The following VWA2 variants were observed in gnomAD, a reference collection of about 807,000 sequenced individuals.
VWA2 encodes the protein von Willebrand factor A domain-containing protein 2.
VWA2 carries 73 observed loss-of-function variants against 70.4 expected under a neutral mutation model. The observed-to-expected ratio is 1.04, with a 90% confidence interval of 0.86 to 1.26. VWA2 has a LOEUF of 1.26. Among genes scored for constraint, VWA2 ranks in the 50% most tolerant of loss-of-function variants. The pLI, the probability that VWA2 is intolerant of heterozygous loss-of-function variation, is 0.00. For synonymous variants in VWA2, 407 were observed against 423.3 expected, an observed-to-expected ratio of 0.96 and a Z score of 0.47; for missense variants, 1,011 against 998.5, an observed-to-expected ratio of 1.01 and a Z score of -0.17.
chr10:114,246,266 C>T (rs867280889), intron 1 of VWA2: 25 of 701,318 alleles, frequency 3.6e-5, no homozygotes, highest in Middle Eastern at 4.0e-4. Context: ...TTCGGGAGGC[C>T]GAGGCGGTCG....
At chr10:114,260,805 A>G (rs1241619746) in intron 4 of VWA2, among the ~76,000 whole-genome samples, 2 of 152,154 alleles carry the variant, frequency 1.3e-5, no homozygotes, top group African/African-American at 4.8e-5. Context: ...TGTGGATTAA[A>G]TGAGATAGTG....
At position 114,294,364 on chromosome 10, in the gene VWA2, A is replaced by G. The variant is rs1404149597; in HGVS notation, c.*3127A>G. Among the ~76,000 whole-genome samples the G allele has an allele frequency of 3.9e-5, 6 of 152,184 alleles. No individual in the cohort carries two copies. The highest frequency in any genetic ancestry group is 1.4e-4 in the African/African-American group (6 of 41,448). On this transcript the variant is annotated 3_prime_UTR_variant, in exon 14 of 14. Coordinates refer to ENST00000392982, the MANE Select transcript of VWA2 (RefSeq NM_001272046.2). ...TTTTTATAATTTGAAAAATCTTGTC[A>G]GTATCTGTATTAAGGCCTCCATTTC...
At chr10:114,261,981 G>A (rs539677491) in intron 5 of VWA2, among the ~76,000 whole-genome samples, 2 of 152,236 alleles carry the variant, frequency 1.3e-5, no homozygotes, top group East Asian at 3.9e-4. Flanking sequence ...GCGAGAGCAG[G>A]AGCAAGAGAG....
intron 5 of VWA2, among the ~76,000 whole-genome samples, chr10:114,269,713 A>G (rs1447501228): frequency 1.3e-5 from 2 of 152,214 alleles, no homozygotes; most frequent in Non-Finnish European, 2.9e-5. Context: ...AGTATGGGGA[A>G]CAAGCACTTT....
intron 3 of VWA2, 34 bp from the exon 4 acceptor site, chr10:114,254,881 C>A (rs375568893): frequency 1.6e-5 from 25 of 1,601,288 alleles, no homozygotes; most frequent in Non-Finnish European, 2.1e-5. Context: ...CCGACTTGCT[C>A]CTGGTTGTCA....
intron 8 of VWA2, 114 bp from the exon 9 acceptor site, chr10:114,282,402 C>G (rs1275602974): frequency 1.2e-6 from 1 of 832,192 alleles, no homozygotes; most frequent in East Asian, 2.5e-5. Context: ...GGAAGTCTTT[C>G]TTACTTCTGC....
At chr10:114,289,560 C>A in intron 12 of VWA2, 71 bp downstream of exon 12, 1 of 1,552,686 alleles carries the variant, frequency 6.4e-7, no homozygotes. Context: ...TCACATACAT[C>A]ATGACGAGGA....
At chr10:114,265,788 G>A (rs369395590) in intron 5 of VWA2, among the ~76,000 whole-genome samples, 1 of 152,198 alleles carries the variant, frequency 6.6e-6, no homozygotes, top group East Asian at 1.9e-4. Context: ...TTCTGGGGCT[G>A]TGTATGATTA....
At chr10:114,288,493 A>G (rs988497460) in intron 11 of VWA2, among the ~76,000 whole-genome samples, 1 of 152,270 alleles carries the variant, frequency 6.6e-6, no homozygotes, top group African/African-American at 2.4e-5. Context: ...CATGGGTTAC[A>G]TAAGACAGGA....
At chr10:114,270,508 G>A (rs1025892121) in intron 5 of VWA2, among the ~76,000 whole-genome samples, 2 of 152,204 alleles carry the variant, frequency 1.3e-5, no homozygotes, top group African/African-American at 4.8e-5. Flanking sequence ...GGTAAGATTA[G>A]TACCTTTTAC....
At chr10:114,269,183 G>A (rs998347061) in intron 5 of VWA2, among the ~76,000 whole-genome samples, 7 of 152,212 alleles carry the variant, frequency 4.6e-5, no homozygotes, top group Non-Finnish European at 1.0e-4. Flanking sequence ...GGTAAGTACC[G>A]TCAGGCCTGT....
At chr10:114,269,379 G>C (rs1049899830) in intron 5 of VWA2, among the ~76,000 whole-genome samples, 3 of 152,260 alleles carry the variant, frequency 2.0e-5, no homozygotes, top group East Asian at 3.9e-4. Flanking sequence ...TCAGGAGTTT[G>C]AGACCAGCCT....
At chr10:114,274,332 G>A (rs2037774356) in intron 6 of VWA2, among the ~76,000 whole-genome samples, 1 of 152,170 alleles carries the variant, frequency 6.6e-6, no homozygotes, top group African/African-American at 2.4e-5. Flanking sequence ...TGCTGTGTAC[G>A]AAATAGACTG....
chr10:114,266,214 A>G (rs1009106735), intron 5 of VWA2, among the ~76,000 whole-genome samples: 1 of 151,928 alleles, frequency 6.6e-6, no homozygotes. Context: ...GGAGAATGGC[A>G]TGAACCCAGG....
At chr10:114,266,291 C>T (rs546520250) in intron 5 of VWA2, among the ~76,000 whole-genome samples, 2 of 151,360 alleles carry the variant, frequency 1.3e-5, no homozygotes, top group South Asian at 2.1e-4. Flanking sequence ...AGCAAGACTC[C>T]GTCTCAAAGA....
chr10:114,283,478 G>A (rs984327897), intron 9 of VWA2, among the ~76,000 whole-genome samples: 18 of 152,184 alleles, frequency 1.2e-4, no homozygotes, highest in African/African-American at 3.9e-4. Context: ...CCAGCACCAC[G>A]GCCTCTGAAG....
chr10:114,282,570 A>G lies in VWA2; in HGVS notation c.888A>G (p.Pro296=). Residue 296 remains proline, a splice_region_variant and synonymous_variant, in exon 9 of 14, where the codon CCA becomes CCG. Coordinates refer to ENST00000392982, the MANE Select transcript of VWA2 (RefSeq NM_001272046.2). Reference sequence around the variant, plus strand: ...CCACCTGCTACAGGACCACCTGCCCAGGTATGGTCTGTCTCTTGGATTTAC... The same window carrying G: ...CCACCTGCTACAGGACCACCTGCCCGGGTATGGTCTGTCTCTTGGATTTAC... ...HPATCYRTTC[P]GPCDSQPCQN... is the part of the protein sequence containing the mutation. The G allele has an allele frequency of 6.2e-7, 1 of 1,613,832 alleles. No homozygotes were observed. Among genetic ancestry groups the G allele is most frequent in the South Asian group, 1.1e-5 (1 of 91,078 alleles).
At position 114,247,065 on chromosome 10, in the gene VWA2, C is replaced by T. The variant is rs564003537; in HGVS notation, c.-10-1639C>T. 7.2e-5 allele frequency among the ~76,000 whole-genome samples: 11 copies of T among 152,236 alleles called. No individual in the cohort carries two copies. The East Asian group carries it at 2.1e-3, about 29-fold the overall frequency. Reference sequence around the variant, plus strand: ...GGCTGTGGGGAAAGTGACCACTTTGCCCTGACTCGATCGGTTAAGGAGCTG... The same window carrying T: ...GGCTGTGGGGAAAGTGACCACTTTGTCCTGACTCGATCGGTTAAGGAGCTG... On this transcript the variant is annotated intron_variant, in intron 1 of 13. Transcript: ENST00000392982.
chr10:114,261,132 G>A, intron 4 of VWA2, 54 bp from the exon 5 acceptor site: 6 of 1,330,824 alleles, frequency 4.5e-6, no homozygotes, highest in South Asian at 1.2e-5. Context: ...TTTCCTCTTA[G>A]GAATGTTTTT....
Sources: gnomAD v4.1 joint callset for allele counts (sites outside exome capture counted in the v4.1 genomes callset) on GRCh38, gnomAD v4.1.1 for gene constraint, MANE v1.5 for transcripts, NCBI Gene and HGNC (gene_info 2026-07-23, HGNC 2026-07-21) for gene names.